POFUT3: variants seen among roughly 807,000 people sequenced by gnomAD.
POFUT3 encodes protein O-fucosyltransferase 3, also known as GDP-fucose protein O-fucosyltransferase 3.
At chr8:33,361,710 G>C in the POFUT3 span, among the ~76,000 whole-genome samples, 2 of 152,004 alleles carry the variant, frequency 1.3e-5, no homozygotes, top group Non-Finnish European at 2.9e-5. Flanking sequence ...AAAATATATA[G>C]AATACGTTAA....
the POFUT3 span, among the ~76,000 whole-genome samples, chr8:33,415,163 G>A: frequency 6.6e-6 from 1 of 152,086 alleles, no homozygotes; most frequent in African/African-American, 2.4e-5. Context: ...TCAGGAGGCT[G>A]AGGCAGAAGA....
At chr8:33,379,226 C>T in the POFUT3 span, among the ~76,000 whole-genome samples, 2 of 151,918 alleles carry the variant, frequency 1.3e-5, no homozygotes, top group Non-Finnish European at 2.9e-5. Context: ...TTATAAATAC[C>T]CAGTCTTGGT....
chr8:33,389,528 T>C, the POFUT3 span: 5 of 1,614,208 alleles, frequency 3.1e-6, no homozygotes, highest in Admixed American at 5.0e-5. Context: ...TGACTGTACA[T>C]ACACCAGCGG....
the POFUT3 span, among the ~76,000 whole-genome samples, chr8:33,317,173 T>C: frequency 1.2e-4 from 18 of 152,140 alleles, no homozygotes; most frequent in Admixed American, 1.2e-3. Flanking sequence ...AAAGAAGTTA[T>C]AGCCACAAAA....
the POFUT3 span, among the ~76,000 whole-genome samples, chr8:33,403,670 A>G: frequency 6.6e-6 from 1 of 152,144 alleles, no homozygotes; most frequent in Non-Finnish European, 1.5e-5. Flanking sequence ...TGCAGTGAGC[A>G]ATGACTATAC....
the POFUT3 span, among the ~76,000 whole-genome samples, chr8:33,388,518 G>A: frequency 1.3e-5 from 2 of 151,772 alleles, no homozygotes; most frequent in Non-Finnish European, 2.9e-5. Context: ...TATATTTTTA[G>A]TAGAGATGGG....
chr8:33,329,162 G>A, the POFUT3 span, among the ~76,000 whole-genome samples: 41 of 150,004 alleles, frequency 2.7e-4, no homozygotes, highest in East Asian at 7.9e-4. Flanking sequence ...TCAAGTGTCC[G>A]TCTTTCCCAA....
the POFUT3 span, among the ~76,000 whole-genome samples, chr8:33,317,808 G>A: frequency 3.9e-5 from 6 of 151,926 alleles, no homozygotes; most frequent in East Asian, 1.9e-4. Context: ...CTGTCCCTCC[G>A]CGCCTAGAGC....
the POFUT3 span, among the ~76,000 whole-genome samples, chr8:33,340,255 C>A: frequency 6.6e-6 from 1 of 151,850 alleles, no homozygotes; most frequent in Non-Finnish European, 1.5e-5. Context: ...CATATATACA[C>A]ACACATATAT....
the POFUT3 span, among the ~76,000 whole-genome samples, chr8:33,356,523 T>G: frequency 2.0e-5 from 3 of 152,202 alleles, no homozygotes; most frequent in East Asian, 1.9e-4. Context: ...GGGGTTGTTT[T>G]TTTTTTCTTG....
the POFUT3 span, among the ~76,000 whole-genome samples, chr8:33,365,980 A>G: frequency 2.0e-5 from 3 of 152,214 alleles, no homozygotes; most frequent in Non-Finnish European, 4.4e-5. Context: ...GGCACTATTC[A>G]CAATAGCAAA....
the POFUT3 span, among the ~76,000 whole-genome samples, chr8:33,425,760 CA>C: frequency 0.58 from 88,367 of 151,222 alleles, 26,159 homozygotes; most frequent in Non-Finnish European, 0.61. Context: ...CTATCTCTAC[CA>C]AAAAAAATAC....
chr8:33,318,355 TC>T, the POFUT3 span, among the ~76,000 whole-genome samples: 3 of 150,050 alleles, frequency 2.0e-5, no homozygotes, highest in African/African-American at 7.4e-5. Flanking sequence ...TCCTACAATG[TC>T]TAGCACATTC....
chr8:33,314,699 GCT>G, the POFUT3 span, among the ~76,000 whole-genome samples: 1 of 152,126 alleles, frequency 6.6e-6, no homozygotes, highest in African/African-American at 2.4e-5. Flanking sequence ...CAGATTACTT[GCT>G]CTCTGTTTTT....
At chr8:33,413,888 T>C in the POFUT3 span, among the ~76,000 whole-genome samples, 1 of 152,174 alleles carries the variant, frequency 6.6e-6, no homozygotes, top group Non-Finnish European at 1.5e-5. Flanking sequence ...TTTGACTTAT[T>C]ATCTGTAAGT....
the POFUT3 span, among the ~76,000 whole-genome samples, chr8:33,471,551 G>A: frequency 6.6e-6 from 1 of 152,054 alleles, no homozygotes; most frequent in Non-Finnish European, 1.5e-5. Context: ...CGCCCGGCCG[G>A]CCTACATTCC....
the POFUT3 span, among the ~76,000 whole-genome samples, chr8:33,472,219 A>G: frequency 6.6e-6 from 1 of 152,200 alleles, no homozygotes; most frequent in Non-Finnish European, 1.5e-5. Context: ...AAACTAAATT[A>G]ACAATCCAAG....
At chr8:33,357,264 G>A in the POFUT3 span, among the ~76,000 whole-genome samples, 2 of 152,042 alleles carry the variant, frequency 1.3e-5, no homozygotes, top group African/African-American at 2.4e-5. Context: ...ACCTTGGGCA[G>A]TATGGTCATT....
the POFUT3 span, among the ~76,000 whole-genome samples, chr8:33,404,288 A>AGATC: frequency 6.6e-6 from 1 of 151,720 alleles, no homozygotes; most frequent in Non-Finnish European, 1.5e-5. Flanking sequence ...CAGTGAGCCA[A>AGATC]GATCACACCA....
Sources: allele counts gnomAD v4.1 joint callset (sites outside exome capture counted in the v4.1 genomes callset), GRCh38; gene constraint gnomAD v4.1.1; transcripts MANE v1.5; gene names NCBI Gene and HGNC (gene_info 2026-07-23, HGNC 2026-07-21).